The following NBEAL1 variants were observed in gnomAD, a reference collection of about 807,000 sequenced individuals.
NBEAL1 encodes the protein neurobeachin-like protein 1.
NBEAL1 carries 273 observed loss-of-function variants against 351.3 expected under a neutral mutation model. That is an observed-to-expected ratio of 0.78 (90% CI 0.70 to 0.86). The LOEUF is 0.86. Ranked by LOEUF, NBEAL1 falls within the 40% of genes least tolerant of loss-of-function variation. NBEAL1 has a pLI of 0.00. For missense variants in NBEAL1, 2,961 were observed against 3,201.3 expected (o/e 0.92, Z 1.81); for synonymous variants, 1,050 against 1,086.4 (o/e 0.97, Z 0.66).
At chr2:203,171,851 A>C in intron 39 of NBEAL1, 77 bp from the exon 40 acceptor site, 1 of 582,130 alleles carries the variant, frequency 1.7e-6, no homozygotes, top group African/African-American at 2.0e-5. Flanking sequence ...CATTCTTGGT[A>C]CTGTCAGTAA....
rs189107604 is a variant in NBEAL1 at position 203,118,653 on chromosome 2, G to A, written c.2592+2583G>A. Among the ~76,000 whole-genome samples, 738 of 150,812 alleles carry A rather than the reference G, an allele frequency of 4.9e-3. 3 individuals are homozygous for A. The highest frequency in any genetic ancestry group is 0.017 in the African/African-American group (682 of 41,096). The stretch of plus-strand genomic sequence containing the variant: ...CTCACCCAGGCTGGAGTGCAGTGGC[G>A]CAATCTTGGCTCACTGCAGCCTCTG... On this transcript the variant is annotated intron_variant, in intron 18 of 55. Coordinates refer to ENST00000683969, the MANE Select transcript of NBEAL1 (RefSeq NM_001378026.1).
chr2:203,138,442 A>G, intron 30 of NBEAL1, 127 bp downstream of exon 30: 1 of 1,059,710 alleles, frequency 9.4e-7, no homozygotes. Context: ...ATAAGATGTG[A>G]TGAATAGTCA....
intron 54 of NBEAL1, among the ~76,000 whole-genome samples, chr2:203,213,201 AAG>A (rs1186752665): frequency 6.6e-6 from 1 of 152,238 alleles, no homozygotes. Context: ...AAATTGAAAA[AAG>A]AGTAAGATTC....
At chr2:203,192,192 G>A (rs1312551750) in intron 46 of NBEAL1, among the ~76,000 whole-genome samples, 2 of 152,146 alleles carry the variant, frequency 1.3e-5, no homozygotes, top group Non-Finnish European at 2.9e-5. Context: ...TTCTGGTACA[G>A]TCAGAAGGCG....
chr2:203,193,887 T>C lies in NBEAL1; in HGVS notation c.7014T>C (p.Pro2338=). The change falls in exon 47 of 56, where the codon CCT becomes CCC. Residue 2338 remains proline (P), a synonymous_variant. Transcript: ENST00000683969. ...TSTLNLFQHL[P]ELKSFFIEGI... is the part of the protein sequence containing the mutation. ...CCCTAAACCTGTTTCAACACCTTCC[T>C]GAACTCAAGTCATTTTTTATAGAGG... 1 of 1,607,374 alleles carries C rather than the reference T, an allele frequency of 6.2e-7. No homozygotes were observed. The highest frequency in any genetic ancestry group is 8.5e-7 in the Non-Finnish European group (1 of 1,175,688).
chr2:203,183,983 C>T (rs1054424928), intron 44 of NBEAL1, among the ~76,000 whole-genome samples: 1 of 147,612 alleles, frequency 6.8e-6, no homozygotes, highest in Admixed American at 6.9e-5. Context: ...GAGGCTGAGG[C>T]AGGAGAATCG....
At chr2:203,188,156 G>A (rs887055168) in intron 44 of NBEAL1, among the ~76,000 whole-genome samples, 1 of 152,092 alleles carries the variant, frequency 6.6e-6, no homozygotes, top group Non-Finnish European at 1.5e-5. Context: ...CCACAGAGAT[G>A]CATTCCATAT....
At position 203,190,309 on chromosome 2, in the gene NBEAL1, G is replaced by C; in HGVS notation, c.6841G>C (p.Ala2281Pro). 6.2e-7 allele frequency: 1 copy of C among 1,610,578 alleles called. No homozygotes were observed. The highest frequency in any genetic ancestry group is 8.5e-7 in the Non-Finnish European group (1 of 1,179,202). ...GGTTTTAGGAGCTGTGGATCTGGAT[G>C]CCTTAACAGATGAGAAAGAAAGAAA... is the stretch of plus-strand genomic sequence containing the variant. ...CSYEGAVDLD[A>P]LTDEKERKAL... The change falls in exon 46 of 56, where the codon GCC becomes CCC. Residue 2281 changes from alanine (A) to proline (P), a missense_variant. Transcript: ENST00000683969.
intron 14 of NBEAL1, among the ~76,000 whole-genome samples, chr2:203,108,541 G>A (rs900857488): frequency 2.6e-5 from 4 of 151,946 alleles, no homozygotes; most frequent in African/African-American, 4.8e-5. Flanking sequence ...TGGGACTACA[G>A]GCACCCGCCA....
chr2:203,138,628 G>C lies in NBEAL1; in HGVS notation c.4728G>C (p.Glu1576Asp), dbSNP rs1250937566. The change falls in exon 31 of 56, where the codon GAG becomes GAC. Residue 1576 changes from glutamate (E) to aspartate (D), a missense_variant. Glu to Asp is a conservative substitution (Grantham distance 45). Transcript: ENST00000683969. Reference protein sequence around the residue: ...NSNMWTEKLLEDMMLLFDCLS... With the variant: ...NSNMWTEKLLDDMMLLFDCLS... The stretch of plus-strand genomic sequence containing the variant: ...TTTTTCCTTTGTGATAGCTTTTAGA[G>C]GATATGATGCTGCTCTTTGACTGTC... The C allele has an allele frequency of 6.3e-7, 1 of 1,596,188 alleles. No homozygotes were observed. Among genetic ancestry groups the C allele is most frequent in the East Asian group, 2.2e-5 (1 of 44,556 alleles).
intron 2 of NBEAL1, among the ~76,000 whole-genome samples, chr2:203,022,131 A>G (rs2060782991): frequency 6.6e-6 from 1 of 152,164 alleles, no homozygotes; most frequent in Admixed American, 6.6e-5. Flanking sequence ...GACAGACTTA[A>G]GGACGTATTT....
intron 40 of NBEAL1, 28 bp downstream of exon 40, chr2:203,172,051 T>C: frequency 7.5e-7 from 1 of 1,341,898 alleles, no homozygotes; most frequent in South Asian, 1.3e-5. Context: ...CTTATAAATG[T>C]GGAATTGCCC....
chr2:203,121,462 G>A (rs2062829296), intron 18 of NBEAL1, among the ~76,000 whole-genome samples: 2 of 152,010 alleles, frequency 1.3e-5, no homozygotes, highest in Admixed American at 6.6e-5. Context: ...AGACCAGCCT[G>A]GCCAACATGG....
intron 34 of NBEAL1, among the ~76,000 whole-genome samples, chr2:203,151,007 T>G (rs2063636351): frequency 6.6e-6 from 1 of 152,128 alleles, no homozygotes; most frequent in East Asian, 1.9e-4. Flanking sequence ...TTGGATTAAA[T>G]GAGATAAAAA....
chr2:203,104,189 T>TA (rs2062384689), intron 12 of NBEAL1, among the ~76,000 whole-genome samples: 1 of 152,006 alleles, frequency 6.6e-6, no homozygotes, highest in South Asian at 2.1e-4. Flanking sequence ...TCTGTCCAAG[T>TA]ATACTGTAGG....
chr2:203,057,105 T>C (rs2061416481), intron 5 of NBEAL1, among the ~76,000 whole-genome samples: 1 of 152,214 alleles, frequency 6.6e-6, no homozygotes, highest in Non-Finnish European at 1.5e-5. Flanking sequence ...ATTTATCACA[T>C]ATCCTTCTTA....
rs747578942 is a variant in NBEAL1 at position 203,153,105 on chromosome 2, G to A, written c.5587+1516G>A. On this transcript the variant is annotated intron_variant, in intron 35 of 55. Transcript: ENST00000683969. ...ATTATGTTGTAGTTTTAGATGACAG[G>A]AGTACCAACTTTTAGATGTTATTTT... is the stretch of plus-strand genomic sequence containing the variant. Among the ~76,000 whole-genome samples the A allele has an allele frequency of 2.6e-4, 40 of 151,972 alleles. 1 individual carries two copies. The highest frequency in any genetic ancestry group is 5.1e-4 in the Non-Finnish European group (35 of 67,968).
At chr2:203,194,163 A>G (rs1177855753) in intron 47 of NBEAL1, among the ~76,000 whole-genome samples, 2 of 152,160 alleles carry the variant, frequency 1.3e-5, no homozygotes, top group African/African-American at 4.8e-5. Flanking sequence ...AGAAGAATAA[A>G]TAATTTGACT....
intron 18 of NBEAL1, 87 bp downstream of exon 18, chr2:203,116,157 G>A: frequency 4.4e-6 from 4 of 908,250 alleles, no homozygotes; most frequent in South Asian, 1.6e-5. Context: ...CATTTCATTG[G>A]GTAATTAAAA....
Sources: gnomAD v4.1 joint callset for allele counts (sites outside exome capture counted in the v4.1 genomes callset) on GRCh38, gnomAD v4.1.1 for gene constraint, MANE v1.5 for transcripts, NCBI Gene and HGNC (gene_info 2026-07-23, HGNC 2026-07-21) for gene names.